Variants in ASCC3 observed in about 807,000 individuals in gnomAD.
ASCC3 encodes the protein activating signal cointegrator 1 complex subunit 3, also known as ASC-1 complex subunit P200.
A neutral mutation model predicts 256.3 loss-of-function variants in ASCC3; 158 were observed. The observed-to-expected ratio is 0.62, with a 90% CI of 0.54 to 0.70. ASCC3 has a LOEUF of 0.70. Ranked by LOEUF, ASCC3 falls within the 30% of genes least tolerant of loss-of-function variation. The pLI, the probability that ASCC3 is intolerant of heterozygous loss-of-function variation, is 0.00. For missense variants in ASCC3, 2,259 were observed against 2,626.0 expected (o/e 0.86, Z 3.05); for synonymous variants, 948 against 883.4 (o/e 1.07, Z -1.30).
At chr6:100,765,623 T>C (rs1343944788) in intron 10 of ASCC3, among the ~76,000 whole-genome samples, 1 of 152,156 alleles carries the variant, frequency 6.6e-6, no homozygotes, top group African/African-American at 2.4e-5. Flanking sequence ...GTCTCACGTT[T>C]CCCTAAAATG....
intron 36 of ASCC3, among the ~76,000 whole-genome samples, chr6:100,559,379 C>G (rs1182133923): frequency 1.3e-5 from 2 of 151,982 alleles, no homozygotes; most frequent in Non-Finnish European, 2.9e-5. Flanking sequence ...CAAAACAAAA[C>G]AAAAAACCCA....
intron 8 of ASCC3, among the ~76,000 whole-genome samples, chr6:100,793,712 C>G (rs368992570): frequency 2.6e-5 from 4 of 151,750 alleles, no homozygotes; most frequent in African/African-American, 9.7e-5. Context: ...CCTCACCTGG[C>G]AATTTGAATC....
chr6:100,562,913 C>T (rs555440040), intron 36 of ASCC3, among the ~76,000 whole-genome samples: 1 of 151,956 alleles, frequency 6.6e-6, no homozygotes, highest in Non-Finnish European at 1.5e-5. Flanking sequence ...TATGTATTAT[C>T]CTTTTTGAAT....
rs570023627 is a variant in ASCC3, at chr6:100,782,295, CAT to C, written c.1396-14952_1396-14951del. On this transcript the variant is annotated intron_variant, in intron 8 of 41. Transcript: ENST00000369162. ...AGAAAAAGGAAATACTAATGCATCA[CAT>C]GTGATAAGGATAAAACAGTTTCATG... Among the ~76,000 whole-genome samples, 30 of 152,246 alleles carry C rather than the reference CAT, an allele frequency of 2.0e-4. No individual in the cohort carries two copies. In the South Asian group the frequency reaches 6.2e-3, roughly 32 times the overall value.
In ASCC3 at chr6:100,864,195, T is replaced by A. The variant is rs1773369216; in HGVS notation, c.110A>T (p.His37Leu). The change falls in exon 3 of 42, where the codon CAT (histidine) becomes CTT (leucine). Residue 37 changes from histidine (H) to leucine (L), a missense_variant. By Grantham distance (99) the His-to-Leu change is moderately conservative. Around this residue, in one of 2 missense-constraint regions of ASCC3, gnomAD observed 420 missense variants for 419.3 expected, o/e 1.00. Transcript: ENST00000369162. ...ADLKIKRSKLHEQVLDLGLTW... is the reference protein window; with the variant it reads ...ADLKIKRSKLLEQVLDLGLTW... ...CAGGCCCAAATCTAAAACTTGTTCATGAAGTTTAGATCGCTTTATCTGAAA... is the reference window on the plus strand; with the variant it reads ...CAGGCCCAAATCTAAAACTTGTTCAAGAAGTTTAGATCGCTTTATCTGAAA... 2 of 1,604,902 alleles carry A rather than the reference T, an allele frequency of 1.2e-6. No individual in the cohort carries two copies. The highest frequency in any genetic ancestry group is 2.7e-5 in the African/African-American group (2 of 74,748).
chr6:100,603,103 T>C (rs1772708209), intron 33 of ASCC3, among the ~76,000 whole-genome samples: 1 of 151,850 alleles, frequency 6.6e-6, no homozygotes. Context: ...GGAAAGAAAA[T>C]CTTTCACTGC....
At chr6:100,658,059 T>C (rs1015452780) in intron 16 of ASCC3, among the ~76,000 whole-genome samples, 2 of 151,420 alleles carry the variant, frequency 1.3e-5, no homozygotes, top group Non-Finnish European at 3.0e-5. Flanking sequence ...TGGTAACAAA[T>C]AGAGTATGCT....
At chr6:100,658,538 A>G (rs919207848) in intron 16 of ASCC3, among the ~76,000 whole-genome samples, 7 of 151,626 alleles carry the variant, frequency 4.6e-5, no homozygotes, top group Admixed American at 3.3e-4. Flanking sequence ...AGTGCTGGCA[A>G]TAAGTATGAA....
chr6:100,804,490 C>A (rs1770070782), intron 5 of ASCC3, among the ~76,000 whole-genome samples: 1 of 151,902 alleles, frequency 6.6e-6, no homozygotes, highest in African/African-American at 2.4e-5. Context: ...AAACAGACAA[C>A]CTACAGAACA....
intron 20 of ASCC3, among the ~76,000 whole-genome samples, chr6:100,648,986 G>A (rs1775525316): frequency 6.6e-6 from 1 of 151,834 alleles, no homozygotes; most frequent in African/African-American, 2.4e-5. Flanking sequence ...GGGCTGAGGA[G>A]AGAAAGTTTA....
chr6:100,633,641 G>A (rs775863001), intron 25 of ASCC3, among the ~76,000 whole-genome samples: 28 of 151,552 alleles, frequency 1.8e-4, no homozygotes, highest in Non-Finnish European at 3.1e-4. Flanking sequence ...GAAGGTGGGC[G>A]GATCACCTAA....
chr6:100,837,533 G>A (rs1771934897), intron 4 of ASCC3, among the ~76,000 whole-genome samples: 1 of 151,978 alleles, frequency 6.6e-6, no homozygotes, highest in Non-Finnish European at 1.5e-5. Context: ...TATACACAAT[G>A]GAATACTATT....
intron 23 of ASCC3, among the ~76,000 whole-genome samples, 160 bp downstream of exon 23, chr6:100,643,871 T>C (rs1307302104): frequency 6.6e-6 from 1 of 152,132 alleles, no homozygotes; most frequent in Non-Finnish European, 1.5e-5. Flanking sequence ...ACCAATACTA[T>C]AACATTTAAT....
At chr6:100,845,784 G>A (rs1772352173) in intron 4 of ASCC3, among the ~76,000 whole-genome samples, 1 of 151,834 alleles carries the variant, frequency 6.6e-6, no homozygotes. Context: ...TAACATAAAG[G>A]TCTTTTTAAA....
intron 36 of ASCC3, among the ~76,000 whole-genome samples, chr6:100,586,899 C>T (rs993750989): frequency 6.6e-6 from 1 of 152,004 alleles, no homozygotes; most frequent in Non-Finnish European, 1.5e-5. Flanking sequence ...CAAAGTAATA[C>T]TCAAAAGAAT....
chr6:100,743,598 A>G (rs1327377580), intron 10 of ASCC3, among the ~76,000 whole-genome samples: 1 of 152,206 alleles, frequency 6.6e-6, no homozygotes, highest in Admixed American at 6.5e-5. Context: ...GGGTGGTCCT[A>G]TTAACATGGT....
Position 100,540,225 on chromosome 6 carries a change from G to C in ASCC3, c.5713C>G (p.Pro1905Ala). ...GTATCAGTGTCATAATCTGGGCAGGGTAGCATGGCTCGGCTGAGATGTGCC... is the reference window on the plus strand; with the variant it reads ...GTATCAGTGTCATAATCTGGGCAGGCTAGCATGGCTCGGCTGAGATGTGCC... Reference protein sequence around the residue: ...LQAHLSRAMLPCPDYDTDTKT... With the variant: ...LQAHLSRAMLACPDYDTDTKT... The change falls in exon 37 of 42, where the codon CCC becomes GCC. Residue 1905 changes from proline (P) to alanine (A), a missense_variant. By Grantham distance (27) the Pro-to-Ala change is conservative. Coordinates refer to ENST00000369162, the MANE Select transcript of ASCC3 (RefSeq NM_006828.4). 9 of 1,614,126 alleles carry C rather than the reference G, an allele frequency of 5.6e-6. No individual in the cohort carries two copies. The highest frequency in any genetic ancestry group is 7.6e-6 in the Non-Finnish European group (9 of 1,180,006).
chr6:100,594,338 GATT>G (rs1466317637), intron 34 of ASCC3, among the ~76,000 whole-genome samples: 2 of 151,994 alleles, frequency 1.3e-5, no homozygotes, highest in Non-Finnish European at 2.9e-5. Flanking sequence ...AGATGATAAG[GATT>G]ATTAAGGAAA....
intron 37 of ASCC3, among the ~76,000 whole-genome samples, chr6:100,537,422 C>T (rs937210003): frequency 1.2e-4 from 18 of 151,984 alleles, no homozygotes; most frequent in African/African-American, 3.9e-4. Context: ...CTAAATGAAA[C>T]GTGGGATCTT....
Sources: gnomAD v4.1 joint callset for allele counts (sites outside exome capture counted in the v4.1 genomes callset) on GRCh38, gnomAD v4.1.1 for gene constraint, gnomAD v4.1.1 regional missense constraint, MANE v1.5 for transcripts, NCBI Gene and HGNC (gene_info 2026-07-23, HGNC 2026-07-21) for gene names.